The following ESR1 variants were observed in gnomAD, a reference collection of about 807,000 sequenced individuals.
The protein encoded by ESR1 is estrogen receptor.
ESR1 carries 12 observed loss-of-function variants against 52.7 expected under a neutral mutation model. The observed-to-expected ratio is 0.23, with a 90% confidence interval of 0.15 to 0.37. The LOEUF is 0.37. Among genes scored for constraint, ESR1 ranks in the 10% least tolerant of loss-of-function variants. The probability of loss-of-function intolerance (pLI) is 1.00; values close to 1 mark genes in which losing one functional copy is unlikely to be tolerated. For missense variants in ESR1, 584 were observed against 779.7 expected, an observed-to-expected ratio of 0.75 and a Z score of 2.99; for synonymous variants, 305 against 316.8, an observed-to-expected ratio of 0.96 and a Z score of 0.39.
At chr6:151,926,602 G>A (rs1418538540) in intron 3 of ESR1, among the ~76,000 whole-genome samples, 2 of 151,906 alleles carry the variant, frequency 1.3e-5, no homozygotes, top group African/African-American at 4.8e-5. Context: ...AGTATTGAAT[G>A]TACTATTATA....
At chr6:151,725,236 A>T (rs1356781085) in intron 2 of ESR1, among the ~76,000 whole-genome samples, 2 of 152,142 alleles carry the variant, frequency 1.3e-5, no homozygotes, top group South Asian at 2.1e-4. Context: ...ATCACTAAAT[A>T]TACTTTTAGT....
At chr6:151,713,205 A>G (rs1780760328) in intron 2 of ESR1, among the ~76,000 whole-genome samples, 1 of 152,148 alleles carries the variant, frequency 6.6e-6, no homozygotes, top group African/African-American at 2.4e-5. Flanking sequence ...ATTGTGGTGG[A>G]CAAGCTTTTT....
chr6:151,694,778 C>T (rs1779204304), intron 1 of ESR1, among the ~76,000 whole-genome samples: 1 of 145,208 alleles, frequency 6.9e-6, no homozygotes, highest in African/African-American at 2.6e-5. Context: ...CAGAGTGAAA[C>T]TGCATCTAAA....
In ESR1 at chr6:152,000,294, A is replaced by T. The variant is rs184443311; in HGVS notation, c.1097-11362A>T. ...TCTGCTAGGCACCAGAAATTGAATA[A>T]TTGACCCCAAATCACCTAACTCATA... On this transcript the variant is annotated intron_variant, in intron 4 of 7. Transcript: ENST00000206249. Among the ~76,000 whole-genome samples, 23 of 152,176 alleles carry T rather than the reference A, an allele frequency of 1.5e-4. No homozygotes were observed. In the East Asian group the frequency reaches 4.5e-3, roughly 29 times the overall value.
rs751164756 is a variant in ESR1 at position 152,122,720 on chromosome 6, C to T, written c.851-2546C>T. 6.3e-5 allele frequency: 102 copies of T among 1,611,620 alleles called. No homozygotes were observed. In the East Asian group the frequency reaches 9.4e-4, roughly 15 times the overall value. ...TAAATTACTCAGATAACTCCAGTGTCGGAGGGACGCTGCTTTTTGCCTCTG... is the reference window on the plus strand; with the variant it reads ...TAAATTACTCAGATAACTCCAGTGTTGGAGGGACGCTGCTTTTTGCCTCTG... On this transcript the variant is annotated intron_variant, in intron 6 of 6. Transcript: ENST00000427531.
upstream of ESR1, among the ~76,000 whole-genome samples, chr6:151,686,689 A>AAATC (rs1221853003): frequency 2.4e-5 from 3 of 126,618 alleles, no homozygotes; most frequent in Admixed American, 1.9e-4. Context: ...CTCCATCTCA[A>AAATC]AACCAACCAA....
At chr6:151,975,094 C>G (rs1584580492) in intron 4 of ESR1, among the ~76,000 whole-genome samples, 2 of 152,308 alleles carry the variant, frequency 1.3e-5, no homozygotes, top group South Asian at 4.1e-4. Flanking sequence ...CTGAACTTAA[C>G]TAGATCTTGC....
rs1054451434 is a variant in ESR1 at position 151,722,748 on chromosome 6, A to C, written c.-71+20743A>C. ...ACTTTTAAGCAAACTAAATTTCATAACATTTATTAGAAGCCTGTCTCTATT... is the reference window on the plus strand; with the variant it reads ...ACTTTTAAGCAAACTAAATTTCATACCATTTATTAGAAGCCTGTCTCTATT... On this transcript the variant is annotated intron_variant, in intron 2 of 2. Transcript: ENST00000404742. Among the ~76,000 whole-genome samples, 3 of 152,330 alleles carry C rather than the reference A, an allele frequency of 2.0e-5. No individual in the cohort carries two copies. The East Asian group carries it at 5.8e-4, about 29-fold the overall frequency.
intron 2 of ESR1, among the ~76,000 whole-genome samples, chr6:151,786,645 T>C (rs1468140000): frequency 6.6e-6 from 1 of 151,716 alleles, no homozygotes; most frequent in Non-Finnish European, 1.5e-5. Flanking sequence ...TTAAAAAATC[T>C]GTAATTTGAC....
chr6:151,795,255 G>A (rs1006980270), intron 2 of ESR1, among the ~76,000 whole-genome samples: 5 of 152,086 alleles, frequency 3.3e-5, no homozygotes, highest in Admixed American at 3.3e-4. Context: ...GGGAGGCTGA[G>A]GTGGGGGGAT....
In ESR1 at chr6:151,808,062, C is replaced by T. The variant is rs759513332; in HGVS notation, c.150C>T (p.Ala50=). The change falls in exon 1 of 8, where the codon GCC becomes GCT. Residue 50 remains alanine, a synonymous_variant. Coordinates refer to ENST00000206249, the MANE Select transcript of ESR1 (RefSeq NM_000125.4). The stretch of plus-strand genomic sequence containing the variant: ...TGTACCTGGACAGCAGCAAGCCCGC[C>T]GTGTACAACTACCCCGAGGGCGCCG... The part of the protein sequence containing the change: ...GEVYLDSSKP[A]VYNYPEGAAY... The T allele has an allele frequency of 9.3e-6, 15 of 1,613,450 alleles. No homozygotes were observed. Among genetic ancestry groups the T allele is most frequent in the South Asian group, 4.4e-5 (4 of 91,054 alleles).
chr6:152,086,792 CTT>C lies in ESR1; in HGVS notation c.1370-7591_1370-7590del, dbSNP rs1358722403. Among the ~76,000 whole-genome samples the C allele has an allele frequency of 2.0e-5, 3 of 152,084 alleles. No homozygotes were observed. In the East Asian group the frequency reaches 5.8e-4, roughly 29 times the overall value. ...AACACTCATCTTCACTGTCGTCTCT[CTT>C]TGAGACCTCTTAGAGAGGACTTTGA... On this transcript the variant is annotated intron_variant, in intron 6 of 7. Transcript: ENST00000206249.
chr6:151,883,300 T>C (rs1793273641), intron 3 of ESR1, among the ~76,000 whole-genome samples: 1 of 152,000 alleles, frequency 6.6e-6, no homozygotes, highest in African/African-American at 2.4e-5. Context: ...TTGTGTTTTT[T>C]TTTTTTGTAG....
chr6:152,067,691 G>A (rs958766547), intron 6 of ESR1, among the ~76,000 whole-genome samples: 2 of 152,114 alleles, frequency 1.3e-5, no homozygotes, highest in Non-Finnish European at 2.9e-5. Context: ...GCTGGGCACG[G>A]TGGCGGGCAC....
chr6:151,811,226 T>A (rs1778790833), intron 1 of ESR1: 1 of 152,238 alleles, frequency 6.6e-6, no homozygotes, highest in Admixed American at 6.5e-5. Context: ...CAGCAAATTG[T>A]TATTAATATA....
At chr6:152,063,665 T>C (rs3798571) in intron 6 of ESR1, among the ~76,000 whole-genome samples, 34,740 of 152,148 alleles carry the variant, frequency 0.23, 5,938 homozygotes, top group African/African-American at 0.47. Context: ...AAAGTCCAAC[T>C]GATTCATGGC....
intron 2 of ESR1, among the ~76,000 whole-genome samples, chr6:151,793,323 C>T (rs901100590): frequency 5.3e-5 from 8 of 152,048 alleles, no homozygotes; most frequent in Admixed American, 1.3e-4. Flanking sequence ...ACAGTAACAC[C>T]CCTGGAGCTG....
intron 1 of ESR1, among the ~76,000 whole-genome samples, chr6:151,837,121 C>CTTTTT (rs11372738): frequency 1.2e-4 from 16 of 134,434 alleles, no homozygotes; most frequent in African/African-American, 3.4e-4. Flanking sequence ...AGACATCCCT[C>CTTTTT]TTTTTTTTTT....
At chr6:152,108,632 C>T (rs2051095618) in intron 6 of ESR1, among the ~76,000 whole-genome samples, 2 of 152,126 alleles carry the variant, frequency 1.3e-5, no homozygotes. Context: ...TGTGTTATTT[C>T]TGGGGATCAG....
Sources: gnomAD v4.1 joint callset for allele counts (sites outside exome capture counted in the v4.1 genomes callset) on GRCh38, gnomAD v4.1.1 for gene constraint, MANE v1.5 for transcripts, NCBI Gene and HGNC (gene_info 2026-07-23, HGNC 2026-07-21) for gene names.